The following SGMS1 variants were observed in gnomAD, a reference collection of about 807,000 sequenced individuals.
The protein encoded by SGMS1 is sphingomyelin synthase 1.
In SGMS1, 13 loss-of-function variants were observed where a neutral mutation model predicts 46.2. The observed-to-expected ratio is 0.28, with a 90% confidence interval of 0.18 to 0.45. SGMS1 has a LOEUF of 0.45. Ranked by LOEUF, SGMS1 falls within the 20% of genes least tolerant of loss-of-function variation. The pLI, the probability that SGMS1 is intolerant of heterozygous loss-of-function variation, is 1.00. For synonymous variants in SGMS1, 203 were observed against 187.8 expected (o/e 1.08, Z -0.66); for missense variants, 324 against 519.9 (o/e 0.62, Z 3.66).
intron 2 of SGMS1, among the ~76,000 whole-genome samples, chr10:50,577,518 C>T (rs1436759081): frequency 1.3e-5 from 2 of 152,100 alleles, no homozygotes; most frequent in African/African-American, 4.8e-5. Context: ...TTTAAGAAAC[C>T]CAACAAACAA....
At chr10:50,462,912 T>G (rs532541796) in intron 4 of SGMS1, among the ~76,000 whole-genome samples, 1 of 151,860 alleles carries the variant, frequency 6.6e-6, no homozygotes, top group Non-Finnish European at 1.5e-5. Context: ...TAGGAAATGA[T>G]GGAGCTTCTG....
chr10:50,580,102 T>G (rs1838419359), intron 2 of SGMS1, among the ~76,000 whole-genome samples: 1 of 152,094 alleles, frequency 6.6e-6, no homozygotes, highest in Non-Finnish European at 1.5e-5. Flanking sequence ...TGCAGAAAAT[T>G]TAAAGTAATC....
At chr10:50,510,557 TTTTG>T in intron 3 of SGMS1, among the ~76,000 whole-genome samples, 1 of 152,278 alleles carries the variant, frequency 6.6e-6, no homozygotes, top group Non-Finnish European at 1.5e-5. Flanking sequence ...TCTGTTTTTG[TTTTG>T]TTTGTTTGCT....
intron 1 of SGMS1, among the ~76,000 whole-genome samples, chr10:50,592,587 G>A (rs149537473): frequency 2.0e-5 from 3 of 152,128 alleles, no homozygotes; most frequent in Non-Finnish European, 4.4e-5. Context: ...GTCCAGGCAC[G>A]TATCATCCCA....
At chr10:50,575,305 A>G (rs557642174) in intron 2 of SGMS1, among the ~76,000 whole-genome samples, 3 of 152,252 alleles carry the variant, frequency 2.0e-5, no homozygotes, top group African/African-American at 7.2e-5. Context: ...TACAATTCCA[A>G]CGCTTTATAA....
chr10:50,560,739 T>C (rs1292550945), intron 2 of SGMS1, among the ~76,000 whole-genome samples: 1 of 151,608 alleles, frequency 6.6e-6, no homozygotes, highest in African/African-American at 2.4e-5. Context: ...TTTTCCTTCA[T>C]TACATAATAT....
intron 5 of SGMS1, among the ~76,000 whole-genome samples, chr10:50,448,994 A>C (rs1837065082): frequency 6.6e-6 from 1 of 152,194 alleles, no homozygotes; most frequent in Admixed American, 6.5e-5. Flanking sequence ...AACGCAAATT[A>C]AGACAACATG....
intron 3 of SGMS1, among the ~76,000 whole-genome samples, chr10:50,474,783 G>C (rs1325972047): frequency 6.6e-6 from 1 of 152,102 alleles, no homozygotes; most frequent in Non-Finnish European, 1.5e-5. Context: ...GAAGCAGAGA[G>C]AGTGCTATCC....
chr10:50,468,349 C>T (rs962590257), intron 3 of SGMS1, among the ~76,000 whole-genome samples: 41 of 152,224 alleles, frequency 2.7e-4, no homozygotes, highest in Non-Finnish European at 2.5e-4. Context: ...ACAGAATATG[C>T]TGTTTTGTCC....
chr10:50,374,717 T>C (rs1443825015), intron 6 of SGMS1, among the ~76,000 whole-genome samples: 3 of 152,026 alleles, frequency 2.0e-5, no homozygotes, highest in African/African-American at 7.3e-5. Context: ...TCATCCAGCC[T>C]CTCCCCACTT....
chr10:50,366,901 C>T (rs1031647047), intron 6 of SGMS1, among the ~76,000 whole-genome samples: 1 of 152,066 alleles, frequency 6.6e-6, no homozygotes, highest in African/African-American at 2.4e-5. Context: ...GTATACATAC[C>T]TATGTAACAA....
intron 8 of SGMS1, among the ~76,000 whole-genome samples, chr10:50,313,699 T>C (rs1220002956): frequency 1.3e-5 from 2 of 152,234 alleles, no homozygotes; most frequent in Admixed American, 1.3e-4. Flanking sequence ...TCCCTCTGTG[T>C]TTTAAAAATG....
At chr10:50,391,067 C>T (rs1848758036) in intron 6 of SGMS1, among the ~76,000 whole-genome samples, 1 of 152,222 alleles carries the variant, frequency 6.6e-6, no homozygotes. Flanking sequence ...GCCCGAGCAT[C>T]TCCAAGACCT....
chr10:50,471,356 G>GA (rs929414663), intron 3 of SGMS1, among the ~76,000 whole-genome samples: 1 of 152,122 alleles, frequency 6.6e-6, no homozygotes, highest in Admixed American at 6.5e-5. Context: ...TTAGCAAGGA[G>GA]AAAAAAACCA....
Position 50,405,020 on chromosome 10 carries a change from G to A in SGMS1, c.-232+28456C>T, listed in dbSNP as rs75518529. 0.026 allele frequency among the ~76,000 whole-genome samples: 3,992 copies of A among 152,064 alleles called. 488 individuals carry two copies. The East Asian group carries it at 0.37, about 14-fold the overall frequency. On this transcript the variant is annotated intron_variant, in intron 6 of 10. Coordinates refer to ENST00000361781, the MANE Select transcript of SGMS1 (RefSeq NM_147156.4). ...GTAAAAAGCCAAAAGCAAGATAGAC[G>A]CAGATATGTGCCAAAATATGTATTT...
intron 5 of SGMS1, among the ~76,000 whole-genome samples, chr10:50,434,247 C>A (rs1849444215): frequency 6.6e-6 from 1 of 152,120 alleles, no homozygotes; most frequent in Admixed American, 6.5e-5. Context: ...AATAAACAGG[C>A]TAGAAATAGA....
At chr10:50,358,600 A>G (rs998975935) in intron 6 of SGMS1, among the ~76,000 whole-genome samples, 2 of 152,194 alleles carry the variant, frequency 1.3e-5, no homozygotes, top group African/African-American at 2.4e-5. Flanking sequence ...GAGGCATGAG[A>G]ATTGCTAGAA....
At chr10:50,462,483 C>T (rs1301029544) in intron 4 of SGMS1, among the ~76,000 whole-genome samples, 1 of 152,120 alleles carries the variant, frequency 6.6e-6, no homozygotes, top group East Asian at 1.9e-4. Flanking sequence ...GTAACAAGTA[C>T]ACTTAATGCT....
At chr10:50,480,297 A>T (rs1489837823) in intron 3 of SGMS1, among the ~76,000 whole-genome samples, 1 of 152,072 alleles carries the variant, frequency 6.6e-6, no homozygotes, top group Non-Finnish European at 1.5e-5. Flanking sequence ...GCAGTCACTG[A>T]TGTATATCTT....
Sources: gnomAD v4.1 joint callset for allele counts (sites outside exome capture counted in the v4.1 genomes callset) on GRCh38, gnomAD v4.1.1 for gene constraint, MANE v1.5 for transcripts, NCBI Gene and HGNC (gene_info 2026-07-23, HGNC 2026-07-21) for gene names.